RIMS1: variants seen among roughly 807,000 people sequenced by gnomAD.
The protein encoded by RIMS1 is regulating synaptic membrane exocytosis 1.
RIMS1 carries 83 observed loss-of-function variants against 214.1 expected under a neutral mutation model. The observed-to-expected ratio is 0.39, with a 90% CI of 0.32 to 0.47. The LOEUF is 0.47. RIMS1 is among the 20% of genes least tolerant of loss of function. RIMS1 has a pLI of 0.99. For missense variants in RIMS1, 2,050 were observed against 2,161.8 expected, an observed-to-expected ratio of 0.95 and a Z score of 1.03; for synonymous variants, 793 against 786.8, an observed-to-expected ratio of 1.01 and a Z score of -0.13.
At chr6:71,965,082 G>A (rs569762322) in intron 1 of RIMS1, among the ~76,000 whole-genome samples, 145 of 152,236 alleles carry the variant, frequency 9.5e-4, no homozygotes, top group Non-Finnish European at 1.6e-3. Context: ...TTGGGAAGTA[G>A]ACACAAACAC....
intron 26 of RIMS1, among the ~76,000 whole-genome samples, chr6:72,298,972 G>A (rs551308114): frequency 3.0e-4 from 45 of 152,018 alleles, no homozygotes; most frequent in Non-Finnish European, 5.3e-4. Context: ...CCTCTTTTAT[G>A]TTGAAAGCTG....
rs546873331 is a variant in RIMS1, at chr6:72,261,326, G to T, written c.3116+559G>T. On this transcript the variant is annotated intron_variant, in intron 19 of 33. Coordinates refer to ENST00000521978, the MANE Select transcript of RIMS1 (RefSeq NM_014989.7). Reference sequence around the variant, plus strand: ...ATTCAACCTGATCTTAACTATCCTAGCCCACCAGTTGTCAGAAATGCTGCA... The same window carrying T: ...ATTCAACCTGATCTTAACTATCCTATCCCACCAGTTGTCAGAAATGCTGCA... 1.5e-5 allele frequency: 15 copies of T among 990,174 alleles called. No homozygotes were observed. The African/African-American group carries it at 2.6e-4, about 17-fold the overall frequency. The allele number at this position is 990,174 out of a possible 1,614,324, so 61.3% of individuals were successfully genotyped here.
chr6:71,965,625 A>G (rs1030214382), intron 1 of RIMS1, among the ~76,000 whole-genome samples: 1 of 152,168 alleles, frequency 6.6e-6, no homozygotes, highest in South Asian at 2.1e-4. Context: ...CGGAGTCAGG[A>G]GGAGCATTCC....
intron 19 of RIMS1, 122 bp from the exon 20 acceptor site, chr6:72,264,853 A>C: frequency 1.7e-6 from 1 of 577,836 alleles, no homozygotes; most frequent in Admixed American, 3.9e-5. Flanking sequence ...TTCTTTTGAG[A>C]AAAAAATGAC....
At chr6:71,951,152 T>C (rs1214060663) in intron 1 of RIMS1, among the ~76,000 whole-genome samples, 36 of 152,206 alleles carry the variant, frequency 2.4e-4, no homozygotes, top group Non-Finnish European at 5.1e-4. Flanking sequence ...TATACTTTTT[T>C]CCCTTTTCTT....
chr6:72,248,073 A>G lies in RIMS1; in HGVS notation c.2187A>G (p.Pro729=). The G allele has an allele frequency of 6.2e-7, 1 of 1,613,350 alleles. No individual in the cohort carries two copies. The highest frequency in any genetic ancestry group is 8.5e-7 in the Non-Finnish European group (1 of 1,179,532). ...GGCCTTCCATTTCTGTTATTTCTCC[A>G]ACAAGTCCTGGAGCTCTAAAAGATG... ...MERPSISVIS[P]TSPGALKDAP... Residue 729 remains proline (P), a synonymous_variant, in exon 12 of 34, where the codon CCA becomes CCG. Transcript: ENST00000521978.
At chr6:72,200,198 T>C (rs1420380054) in intron 6 of RIMS1, among the ~76,000 whole-genome samples, 1 of 152,154 alleles carries the variant, frequency 6.6e-6, no homozygotes, top group Admixed American at 6.6e-5. Context: ...TGTAAAAGCC[T>C]TGAGTTCTCT....
chr6:72,368,292 A>ATTTTTTTTTTTT (rs1168375463), intron 29 of RIMS1, among the ~76,000 whole-genome samples: 1 of 79,112 alleles, frequency 1.3e-5, no homozygotes, highest in African/African-American at 5.3e-5. Context: ...GTGTTGTCTG[A>ATTTTTTTTTTTT]TTTTTTTTTT....
intron 1 of RIMS1, among the ~76,000 whole-genome samples, chr6:71,899,491 A>ACACACACAC (rs1554198466): frequency 9.3e-5 from 14 of 150,990 alleles, no homozygotes; most frequent in Admixed American, 2.0e-4. Context: ...CACACACACA[A>ACACACACAC]ACACACACAC....
At chr6:71,949,420 A>G (rs1788795227) in intron 1 of RIMS1, among the ~76,000 whole-genome samples, 1 of 152,082 alleles carries the variant, frequency 6.6e-6, no homozygotes, top group Non-Finnish European at 1.5e-5. Flanking sequence ...ATTTTTTGCA[A>G]GCAACCACCA....
intron 31 of RIMS1, among the ~76,000 whole-genome samples, 184 bp downstream of exon 31, chr6:72,392,994 A>G (rs542750156): frequency 6.6e-6 from 1 of 152,318 alleles, no homozygotes; most frequent in South Asian, 2.1e-4. Context: ...GTTATGAAAA[A>G]AGAAGTAAAA....
At chr6:72,028,594 T>C (rs933836369) in intron 2 of RIMS1, among the ~76,000 whole-genome samples, 4 of 152,168 alleles carry the variant, frequency 2.6e-5, no homozygotes, top group African/African-American at 9.6e-5. Flanking sequence ...CATTATCACA[T>C]TGGTGATGAG....
rs1583496353 is a variant in RIMS1 at position 71,958,888 on chromosome 6, C to T, written c.165-10095C>T. On this transcript the variant is annotated intron_variant, in intron 1 of 33. Transcript: ENST00000521978. ...ATCCATTTTTCCCTAAATGTTTGTT[C>T]ATATTTCCATCAATTTGGATGAAGG... Among the ~76,000 whole-genome samples, 3 of 152,166 alleles carry T rather than the reference C, an allele frequency of 2.0e-5. No individual in the cohort carries two copies. The South Asian group carries it at 6.2e-4, about 32-fold the overall frequency.
intron 29 of RIMS1, among the ~76,000 whole-genome samples, chr6:72,374,617 A>G (rs775183703): frequency 1.1e-4 from 16 of 152,176 alleles, no homozygotes; most frequent in Non-Finnish European, 2.2e-4. Flanking sequence ...AAGTGGTCAG[A>G]GTATTTTGCG....
chr6:72,232,564 A>G (rs1050084955), intron 6 of RIMS1, among the ~76,000 whole-genome samples: 1 of 151,688 alleles, frequency 6.6e-6, no homozygotes, highest in Non-Finnish European at 1.5e-5. Flanking sequence ...ATGTGAAGTA[A>G]ATTTTAACAG....
At chr6:72,142,511 A>G (rs561323545) in intron 4 of RIMS1, among the ~76,000 whole-genome samples, 1 of 152,164 alleles carries the variant, frequency 6.6e-6, no homozygotes, top group East Asian at 1.9e-4. Context: ...ATTATTTTCA[A>G]AATCTATCAG....
intron 2 of RIMS1, among the ~76,000 whole-genome samples, chr6:72,010,542 C>T (rs982220932): frequency 2.6e-5 from 4 of 152,158 alleles, no homozygotes; most frequent in Non-Finnish European, 5.9e-5. Flanking sequence ...GTCAAATTGT[C>T]CCTGTTTGCA....
chr6:72,119,881 C>T (rs2037882632), intron 4 of RIMS1, among the ~76,000 whole-genome samples: 1 of 151,700 alleles, frequency 6.6e-6, no homozygotes, highest in South Asian at 2.1e-4. Context: ...TCAATTCCCA[C>T]CTATGAATGA....
chr6:72,201,654 A>G (rs996473290), intron 6 of RIMS1, among the ~76,000 whole-genome samples: 7 of 152,194 alleles, frequency 4.6e-5, no homozygotes, highest in Non-Finnish European at 8.8e-5. Flanking sequence ...TGCAGATGGA[A>G]GAGCTTGAAA....
Sources: gnomAD v4.1 joint callset for allele counts (sites outside exome capture counted in the v4.1 genomes callset) on GRCh38, gnomAD v4.1.1 for gene constraint, MANE v1.5 for transcripts, NCBI Gene and HGNC (gene_info 2026-07-23, HGNC 2026-07-21) for gene names.